Variants in IQCJ observed in about 807,000 individuals in gnomAD.
IQCJ encodes the protein IQ motif containing J.
In IQCJ, 9 loss-of-function variants were observed where a neutral mutation model predicts 11.0. The ratio of observed to expected loss-of-function variants is 0.82; its 90% CI spans 0.49 to 1.43. The LOEUF is 1.43. IQCJ is among the 40% of genes most tolerant of loss of function. IQCJ has a pLI of 0.00. For synonymous variants in IQCJ, 55 were observed against 51.3 expected (o/e 1.07, Z -0.31); for missense variants, 146 against 133.2 (o/e 1.10, Z -0.47).
chr3:159,088,572 C>G (rs997868090), intron 1 of IQCJ, among the ~76,000 whole-genome samples: 1 of 152,116 alleles, frequency 6.6e-6, no homozygotes, highest in South Asian at 2.1e-4. Context: ...TGGTAGGTCT[C>G]TAAGGACTTG....
intron 1 of IQCJ, among the ~76,000 whole-genome samples, chr3:159,101,335 G>C (rs1189981451): frequency 6.6e-6 from 1 of 151,904 alleles, no homozygotes; most frequent in Non-Finnish European, 1.5e-5. Flanking sequence ...CTTCTGCGTC[G>C]CTCAGGCTGG....
intron 1 of IQCJ, among the ~76,000 whole-genome samples, chr3:159,111,495 G>A (rs1577014939): frequency 6.6e-6 from 1 of 152,164 alleles, no homozygotes; most frequent in Non-Finnish European, 1.5e-5. Context: ...AATCTTGAAG[G>A]TTAGGGCTTT....
At chr3:159,143,449 C>A (rs530283770) in intron 1 of IQCJ, among the ~76,000 whole-genome samples, 2 of 152,150 alleles carry the variant, frequency 1.3e-5, no homozygotes, top group African/African-American at 4.8e-5. Context: ...CTCATCCCTT[C>A]GTTGCTCTTT....
At chr3:159,087,506 C>G (rs1452380491) in intron 1 of IQCJ, among the ~76,000 whole-genome samples, 1 of 151,958 alleles carries the variant, frequency 6.6e-6, no homozygotes, top group Non-Finnish European at 1.5e-5. Context: ...CCAAGTCCTC[C>G]TTGTACCTCT....
chr3:159,144,302 A>G (rs1164423954), intron 1 of IQCJ, among the ~76,000 whole-genome samples: 1 of 152,178 alleles, frequency 6.6e-6, no homozygotes, highest in Non-Finnish European at 1.5e-5. Flanking sequence ...CTTATGCAAT[A>G]TAGTTGTCTA....
At chr3:159,242,696 T>G (rs1211268385) in intron 1 of IQCJ, among the ~76,000 whole-genome samples, 1 of 151,986 alleles carries the variant, frequency 6.6e-6, no homozygotes, top group Non-Finnish European at 1.5e-5. Flanking sequence ...ACCCAAAAAT[T>G]AATTGACCAT....
At chr3:159,257,114 A>G (rs1162566234) in intron 3 of IQCJ, among the ~76,000 whole-genome samples, 1 of 152,182 alleles carries the variant, frequency 6.6e-6, no homozygotes, top group Non-Finnish European at 1.5e-5. Flanking sequence ...CTGGGATGCA[A>G]TGTTAGAAGA....
At chr3:159,201,727 C>T (rs1459386198) in intron 1 of IQCJ, among the ~76,000 whole-genome samples, 7 of 150,848 alleles carry the variant, frequency 4.6e-5, no homozygotes, top group Non-Finnish European at 7.4e-5. Flanking sequence ...CTCCGCCTCC[C>T]GGGTTCACGC....
At chr3:159,075,058 A>G (rs1461800212) in intron 1 of IQCJ, among the ~76,000 whole-genome samples, 1 of 152,156 alleles carries the variant, frequency 6.6e-6, no homozygotes, top group Admixed American at 6.6e-5. Context: ...ATAAAGATTC[A>G]CATTATACAT....
chr3:159,127,755 G>A (rs1012847567), intron 1 of IQCJ, among the ~76,000 whole-genome samples: 5 of 152,136 alleles, frequency 3.3e-5, no homozygotes, highest in Non-Finnish European at 5.9e-5. Flanking sequence ...TCAAAACTTC[G>A]AAGAAAGTCA....
At chr3:159,128,200 C>A (rs955151949) in intron 1 of IQCJ, among the ~76,000 whole-genome samples, 1 of 152,140 alleles carries the variant, frequency 6.6e-6, no homozygotes, top group Non-Finnish European at 1.5e-5. Context: ...ATTCATGGGA[C>A]AATGGGCTGA....
intron 1 of IQCJ, among the ~76,000 whole-genome samples, chr3:159,090,027 G>T (rs9866311): frequency 0.73 from 111,039 of 151,392 alleles, 41,110 homozygotes; most frequent in East Asian, 0.82. Flanking sequence ...TTTTCTGCTC[G>T]GTTTTTTCCC....
At chr3:159,179,520 T>C (rs970165261) in intron 1 of IQCJ, among the ~76,000 whole-genome samples, 2 of 151,244 alleles carry the variant, frequency 1.3e-5, no homozygotes, top group Admixed American at 1.3e-4. Context: ...TTAGGGAAAA[T>C]AAAAAGGCTC....
chr3:159,092,111 A>G (rs887754293), intron 1 of IQCJ, among the ~76,000 whole-genome samples: 3 of 151,862 alleles, frequency 2.0e-5, no homozygotes, highest in African/African-American at 7.3e-5. Flanking sequence ...ACCTTCCCCA[A>G]CCTAGCATCA....
At chr3:159,085,635 A>C (rs9713975) in intron 1 of IQCJ, among the ~76,000 whole-genome samples, 1 of 145,988 alleles carries the variant, frequency 6.8e-6, no homozygotes, top group Admixed American at 6.8e-5. Flanking sequence ...TGGTATCTCA[A>C]TGTGGTTTTG....
intron 1 of IQCJ, among the ~76,000 whole-genome samples, chr3:159,242,300 C>T (rs1726971669): frequency 6.6e-6 from 1 of 152,102 alleles, no homozygotes; most frequent in African/African-American, 2.4e-5. Flanking sequence ...CATCACTTAT[C>T]TATATTTGTT....
At chr3:159,069,889 G>A (rs534029148) in intron 1 of IQCJ, 76 of 297,996 alleles carry the variant, frequency 2.6e-4, no homozygotes, top group African/African-American at 1.5e-3. Flanking sequence ...GTGTGTGTGC[G>A]TGTGTATGGG....
intron 1 of IQCJ, among the ~76,000 whole-genome samples, chr3:159,234,443 A>T (rs1218842394): frequency 6.6e-6 from 1 of 152,192 alleles, no homozygotes; most frequent in African/African-American, 2.4e-5. Flanking sequence ...GGAGTTAGGA[A>T]TGTTTTTAAT....
intron 2 of IQCJ, 62 bp from the exon 3 acceptor site, chr3:159,252,665 T>C: frequency 7.1e-7 from 1 of 1,412,374 alleles, no homozygotes; most frequent in South Asian, 1.3e-5. Flanking sequence ...ATTAGCAGTA[T>C]TATTGCTATA....
Sources: allele counts gnomAD v4.1 joint callset (sites outside exome capture counted in the v4.1 genomes callset), GRCh38; gene constraint gnomAD v4.1.1; transcripts MANE v1.5; gene names NCBI Gene and HGNC (gene_info 2026-07-23, HGNC 2026-07-21).